Variants in FNDC3B observed in about 807,000 individuals in gnomAD.
The protein encoded by FNDC3B is fibronectin type III domain-containing protein 3B.
FNDC3B carries 12 observed loss-of-function variants against 151.5 expected under a neutral mutation model. The observed-to-expected ratio is 0.08, with a 90% CI of 0.05 to 0.13. The LOEUF is 0.13. FNDC3B is among the 10% of genes least tolerant of loss of function. The pLI is 1.00. For synonymous variants in FNDC3B, 528 were observed against 549.0 expected (o/e 0.96, Z 0.54); for missense variants, 1,214 against 1,505.3 (o/e 0.81, Z 3.20).
intron 8 of FNDC3B, among the ~76,000 whole-genome samples, chr3:172,296,453 C>T (rs561712701): frequency 9.2e-5 from 14 of 152,302 alleles, no homozygotes; most frequent in African/African-American, 3.1e-4. Flanking sequence ...CCTCTTGCTA[C>T]CCAGGCTACC....
intron 6 of FNDC3B, among the ~76,000 whole-genome samples, chr3:172,284,638 C>T (rs1032958876): frequency 7.9e-5 from 12 of 151,134 alleles, no homozygotes; most frequent in African/African-American, 2.9e-4. Context: ...CCATCTCTCA[C>T]TCCTTAGGTC....
At chr3:172,173,520 TGTG>T (rs1723384507) in intron 3 of FNDC3B, among the ~76,000 whole-genome samples, 1 of 151,274 alleles carries the variant, frequency 6.6e-6, no homozygotes, top group Non-Finnish European at 1.5e-5. Context: ...GTAGGCATGG[TGTG>T]GTGGCTCACA....
chr3:172,279,679 T>A (rs897674000), intron 6 of FNDC3B, among the ~76,000 whole-genome samples: 3 of 152,238 alleles, frequency 2.0e-5, no homozygotes, highest in Non-Finnish European at 4.4e-5. Flanking sequence ...CCTTATATTA[T>A]GCAAGTTTAT....
At chr3:172,219,460 C>A (rs1288862528) in intron 3 of FNDC3B, among the ~76,000 whole-genome samples, 1 of 152,134 alleles carries the variant, frequency 6.6e-6, no homozygotes, top group Non-Finnish European at 1.5e-5. Context: ...TTTTTCAATT[C>A]TTTTTTTGTT....
Position 172,341,191 on chromosome 3 carries a change from A to T in FNDC3B, c.1931A>T (p.Lys644Ile), listed in dbSNP as rs756566040. The T allele has an allele frequency of 2.5e-6, 4 of 1,614,202 alleles. No homozygotes were observed. The highest frequency in any genetic ancestry group is 2.5e-6 in the Non-Finnish European group (3 of 1,180,022). Reference sequence around the variant, plus strand: ...CACTTGAAACCAGGCACTTTGTACAAACTCCGAGCATGCTGCATCAGTACC... The same window carrying T: ...CACTTGAAACCAGGCACTTTGTACATACTCCGAGCATGCTGCATCAGTACC... Reference protein sequence around the residue: ...FTHLKPGTLYKLRACCISTGG... With the variant: ...FTHLKPGTLYILRACCISTGG... The change falls in exon 17 of 26, where the codon AAA becomes ATA. Residue 644 changes from lysine to isoleucine, a missense_variant. Lys to Ile is a moderately radical substitution (Grantham distance 102, BLOSUM62 -3). Coordinates refer to ENST00000415807, the MANE Select transcript of FNDC3B (RefSeq NM_022763.4).
intron 3 of FNDC3B, among the ~76,000 whole-genome samples, chr3:172,210,072 GGGATGCCTGGGTCCAGAGCTGCA>G (rs1442317086): frequency 1.3e-5 from 2 of 152,342 alleles, no homozygotes; most frequent in Non-Finnish European, 2.9e-5. Flanking sequence ...CGGGAGCGCA[GGGATGCCTGGGTCCAGAGCTGCA>G]GCTGGGTGGC....
chr3:172,382,998 C>T (rs980401014), intron 25 of FNDC3B, among the ~76,000 whole-genome samples: 1 of 152,146 alleles, frequency 6.6e-6, no homozygotes. Context: ...TTTTCTGATT[C>T]TGTGAAGAAA....
At chr3:172,303,486 T>C (rs964740436) in intron 9 of FNDC3B, among the ~76,000 whole-genome samples, 1 of 152,218 alleles carries the variant, frequency 6.6e-6, no homozygotes, top group African/African-American at 2.4e-5. Flanking sequence ...TAGAAAAAGT[T>C]GGAGGCATAC....
intron 5 of FNDC3B, among the ~76,000 whole-genome samples, chr3:172,249,726 C>A (rs1275051361): frequency 6.6e-6 from 1 of 152,194 alleles, no homozygotes; most frequent in Non-Finnish European, 1.5e-5. Flanking sequence ...TGGATACACA[C>A]TCTCTGAATA....
At chr3:172,052,088 CTTTT>C in intron 1 of FNDC3B, among the ~76,000 whole-genome samples, 1 of 141,782 alleles carries the variant, frequency 7.1e-6, no homozygotes, top group African/African-American at 2.6e-5. Context: ...CTGTCTTCTT[CTTTT>C]TTTTTTTTTT....
intron 25 of FNDC3B, among the ~76,000 whole-genome samples, chr3:172,389,844 C>G (rs765194073): frequency 6.6e-6 from 1 of 152,040 alleles, no homozygotes; most frequent in Non-Finnish European, 1.5e-5. Context: ...CCAGCCTGGG[C>G]GAGAGCGAGA....
chr3:172,394,552 T>C (rs1438101164), intron 25 of FNDC3B, among the ~76,000 whole-genome samples: 1 of 152,054 alleles, frequency 6.6e-6, no homozygotes, highest in Non-Finnish European at 1.5e-5. Context: ...ACTGAAGAAA[T>C]AGAAAATCCA....
intron 15 of FNDC3B, chr3:172,335,781 G>A (rs902608926): frequency 6.6e-6 from 1 of 151,982 alleles, no homozygotes; most frequent in Non-Finnish European, 1.5e-5. Flanking sequence ...TTTTACTAAT[G>A]TCATAATAAT....
chr3:172,282,309 A>G lies in FNDC3B; in HGVS notation c.791-3617A>G, dbSNP rs550181332. Among the ~76,000 whole-genome samples, 4 of 152,084 alleles carry G rather than the reference A, an allele frequency of 2.6e-5. No homozygotes were observed. In the South Asian group the frequency reaches 6.2e-4, roughly 24 times the overall value. On this transcript the variant is annotated intron_variant, in intron 6 of 25. Transcript: ENST00000415807. ...AAGCATTACATTAAATAAATGTAAT[A>G]TAAGTGCATTTTTCTCTCTTTTTTC...
chr3:172,221,698 A>G (rs977393265), intron 3 of FNDC3B, among the ~76,000 whole-genome samples: 4 of 152,194 alleles, frequency 2.6e-5, no homozygotes, highest in Non-Finnish European at 5.9e-5. Flanking sequence ...TAAAAAAAAA[A>G]AAGAATGTCA....
intron 4 of FNDC3B, among the ~76,000 whole-genome samples, chr3:172,239,775 CA>C (rs200097298): frequency 0.021 from 1,495 of 70,124 alleles, 15 homozygotes; most frequent in African/African-American, 0.044. Context: ...TTAGCTAAGA[CA>C]AAAAAAAAAA....
chr3:172,168,915 G>A (rs188240878), intron 3 of FNDC3B, among the ~76,000 whole-genome samples: 30 of 151,094 alleles, frequency 2.0e-4, no homozygotes, highest in African/African-American at 7.1e-4. Flanking sequence ...GTTTCACCAT[G>A]TTGGCCAGGC....
chr3:172,219,926 T>A (rs1423406623), intron 3 of FNDC3B, among the ~76,000 whole-genome samples: 3 of 152,242 alleles, frequency 2.0e-5, no homozygotes, highest in Non-Finnish European at 4.4e-5. Flanking sequence ...GCTGTGAACA[T>A]GCCTGTAGAT....
intron 6 of FNDC3B, among the ~76,000 whole-genome samples, chr3:172,273,813 G>A (rs1729313983): frequency 6.6e-6 from 1 of 152,196 alleles, no homozygotes; most frequent in South Asian, 2.1e-4. Flanking sequence ...AACATCTGGA[G>A]CCGTAAATAA....
Sources: gnomAD v4.1 joint callset for allele counts (sites outside exome capture counted in the v4.1 genomes callset) on GRCh38, gnomAD v4.1.1 for gene constraint, MANE v1.5 for transcripts, NCBI Gene and HGNC (gene_info 2026-07-23, HGNC 2026-07-21) for gene names.